The following TNS3 variants were observed in gnomAD, a reference collection of about 807,000 sequenced individuals.
TNS3 encodes the protein tensin-3.
In TNS3, 45 loss-of-function variants were observed where a neutral mutation model predicts 140.9. That is an observed-to-expected ratio of 0.32 (90% CI 0.25 to 0.41). The LOEUF is 0.41. Among genes scored for constraint, TNS3 ranks in the 10% least tolerant of loss-of-function variants. TNS3 has a pLI of 1.00. For missense variants in TNS3, 1,716 were observed against 1,906.7 expected, an observed-to-expected ratio of 0.90 and a Z score of 1.86; for synonymous variants, 815 against 788.4, an observed-to-expected ratio of 1.03 and a Z score of -0.56.
chr7:47,289,601 A>G (rs1024185474), intron 27 of TNS3, among the ~76,000 whole-genome samples: 4 of 152,270 alleles, frequency 2.6e-5, no homozygotes, highest in African/African-American at 4.8e-5. Context: ...CCTACAGACC[A>G]GCAATAAACA....
intron 1 of TNS3, among the ~76,000 whole-genome samples, chr7:47,538,722 A>G (rs1242658186): frequency 6.6e-6 from 1 of 152,122 alleles, no homozygotes; most frequent in African/African-American, 2.4e-5. Context: ...AGAACACACC[A>G]TTCTGGGTTC....
intron 3 of TNS3, among the ~76,000 whole-genome samples, chr7:47,496,650 G>A (rs548488813): frequency 2.0e-4 from 31 of 152,340 alleles, no homozygotes; most frequent in African/African-American, 7.2e-4. Flanking sequence ...GAGAGTCCAC[G>A]CACACGCAGT....
intron 2 of TNS3, among the ~76,000 whole-genome samples, chr7:47,520,343 A>AC (rs1798929002): frequency 6.6e-6 from 1 of 152,138 alleles, no homozygotes; most frequent in African/African-American, 2.4e-5. Flanking sequence ...AAACAACCCC[A>AC]CAACTTAACA....
At chr7:47,321,386 A>G (rs1362418201) in intron 20 of TNS3, among the ~76,000 whole-genome samples, 1 of 152,014 alleles carries the variant, frequency 6.6e-6, no homozygotes, top group Non-Finnish European at 1.5e-5. Context: ...TGGCTTCTGG[A>G]CCCCGAAGGT....
chr7:47,566,026 A>AC (rs11374477), intron 1 of TNS3, among the ~76,000 whole-genome samples: 149,372 of 152,290 alleles, frequency 0.98, 73,317 homozygotes, highest in East Asian at 1. Context: ...TCAGATTAGT[A>AC]TACATATTGG....
chr7:47,278,617 G>A (rs1366047992), intron 30 of TNS3: 3 of 169,378 alleles, frequency 1.8e-5, no homozygotes, highest in Non-Finnish European at 3.8e-5. Context: ...TCTGCAAGGC[G>A]AGTGGCAAGG....
intron 8 of TNS3, among the ~76,000 whole-genome samples, chr7:47,433,883 ATCTCTCTCTCTCTCTCTCTC>A (rs55743320): frequency 2.7e-5 from 4 of 149,556 alleles, no homozygotes; most frequent in South Asian, 2.2e-4. Flanking sequence ...CCGTCTGTCT[ATCTCTCTCTCTCTCTCTCTC>A]TCTCTCTCTC....
chr7:47,312,442 G>T (rs1312062179), intron 20 of TNS3, among the ~76,000 whole-genome samples: 6 of 152,022 alleles, frequency 3.9e-5, no homozygotes, highest in Non-Finnish European at 8.8e-5. Flanking sequence ...GGCGGGTCAT[G>T]CCTGTAATCC....
chr7:47,362,691 T>C (rs1790404726), intron 17 of TNS3, among the ~76,000 whole-genome samples: 1 of 152,044 alleles, frequency 6.6e-6, no homozygotes, highest in South Asian at 2.1e-4. Context: ...GTTCTTACTA[T>C]TACCAACATC....
chr7:47,505,768 C>T (rs376508511), intron 3 of TNS3, among the ~76,000 whole-genome samples: 18 of 152,178 alleles, frequency 1.2e-4, no homozygotes, highest in African/African-American at 3.6e-4. Flanking sequence ...TGCATGTATG[C>T]GTGTGAGCAC....
At chr7:47,508,512 G>T (rs2151886293) in intron 2 of TNS3, among the ~76,000 whole-genome samples, 1 of 152,326 alleles carries the variant, frequency 6.6e-6, no homozygotes, top group South Asian at 2.1e-4. Context: ...ATAAGGAGAA[G>T]GGCGGTGGGC....
chr7:47,361,275 A>G (rs932132290), intron 17 of TNS3, among the ~76,000 whole-genome samples: 22 of 147,888 alleles, frequency 1.5e-4, no homozygotes, highest in African/African-American at 5.4e-4. Flanking sequence ...CCCTCAGGGA[A>G]GAGCCACACT....
In TNS3 at chr7:47,378,037, G is replaced by A. The variant is rs530264033; in HGVS notation, c.1025-8416C>T. 1.9e-4 allele frequency among the ~76,000 whole-genome samples: 29 copies of A among 152,218 alleles called. 1 individual carries two copies. The East Asian group carries it at 4.1e-3, about 21-fold the overall frequency. On this transcript the variant is annotated intron_variant, in intron 16 of 30. Coordinates refer to ENST00000311160, the MANE Select transcript of TNS3 (RefSeq NM_022748.12). The stretch of plus-strand genomic sequence containing the variant: ...TGTGTGACTTCAGATGAATCACTCC[G>A]CCTTTCTGTGCCTCACTGTCCTTGT...
intron 13 of TNS3, among the ~76,000 whole-genome samples, chr7:47,409,882 C>T (rs997617364): frequency 6.6e-6 from 1 of 152,182 alleles, no homozygotes; most frequent in African/African-American, 2.4e-5. Flanking sequence ...TGGTCTCGAT[C>T]TCCTGACCTC....
At chr7:47,429,499 C>A (rs966574636) in intron 8 of TNS3, among the ~76,000 whole-genome samples, 1 of 152,134 alleles carries the variant, frequency 6.6e-6, no homozygotes, top group African/African-American at 2.4e-5. Flanking sequence ...TCCCAAGTAG[C>A]TGGGACTACA....
In TNS3 at chr7:47,369,030, G is replaced by A. The variant is rs376058370; in HGVS notation, c.1616C>T (p.Pro539Leu). 2.7e-5 allele frequency: 44 copies of A among 1,613,892 alleles called. No individual in the cohort carries two copies. Among genetic ancestry groups the A allele is most frequent in the African/African-American group, 9.3e-5 (7 of 74,928 alleles). Reference protein sequence around the residue: ...VGEDPQGTLVPDLGLGMDGPY... With the variant: ...VGEDPQGTLVLDLGLGMDGPY... ...GCCGTCCATGCCAAGGCCCAGGTCC[G>A]GAACGAGGGTGCCCTGCGGATCTTC... is the stretch of plus-strand genomic sequence containing the variant. The change falls in exon 17 of 31, where the codon CCG becomes CTG. Residue 539 changes from proline (P) to leucine (L), a missense_variant. Physicochemically the swap from Pro to Leu is moderately conservative, Grantham distance 98. This residue lies in a region of TNS3 where 1,163 missense variants were observed against 1,182.1 expected (regional missense o/e 0.98). Transcript: ENST00000311160.
intron 3 of TNS3, among the ~76,000 whole-genome samples, chr7:47,491,525 G>C (rs1453511120): frequency 6.6e-6 from 1 of 152,152 alleles, no homozygotes. Flanking sequence ...TGTCAGATTG[G>C]AGTGAGGGTG....
chr7:47,463,208 G>A lies in TNS3; in HGVS notation c.-76+17895C>T, dbSNP rs192759579. ...ACCTGTAATCTCAGCACTTTGAGAG[G>A]CCTAGGCAGGTGGATCACCTGAGGT... On this transcript the variant is annotated intron_variant, in intron 4 of 30. Coordinates refer to ENST00000311160, the MANE Select transcript of TNS3 (RefSeq NM_022748.12). Among the ~76,000 whole-genome samples the A allele has an allele frequency of 2.3e-3, 351 of 152,242 alleles. 1 individual carries two copies. Among genetic ancestry groups the A allele is most frequent in the Admixed American group, 3.8e-3 (58 of 15,288 alleles).
chr7:47,497,335 A>G (rs1798049769), intron 3 of TNS3, among the ~76,000 whole-genome samples: 1 of 152,128 alleles, frequency 6.6e-6, no homozygotes, highest in Non-Finnish European at 1.5e-5. Flanking sequence ...TTAAGGTATT[A>G]AAAGGGGAAA....
Sources: gnomAD v4.1 joint callset for allele counts (sites outside exome capture counted in the v4.1 genomes callset) on GRCh38, gnomAD v4.1.1 for gene constraint, gnomAD v4.1.1 regional missense constraint, MANE v1.5 for transcripts, NCBI Gene and HGNC (gene_info 2026-07-23, HGNC 2026-07-21) for gene names.